Variants in PHTF1 observed in about 807,000 individuals in gnomAD.
PHTF1 encodes the protein protein PHTF1.
PHTF1 carries 88 observed loss-of-function variants against 102.4 expected under a neutral mutation model. That is an observed-to-expected ratio of 0.86 (90% confidence interval 0.72 to 1.03). The LOEUF is 1.03. PHTF1 is among the 50% of genes least tolerant of loss of function. PHTF1 has a pLI of 0.00. For synonymous variants in PHTF1, 289 were observed against 305.2 expected, an observed-to-expected ratio of 0.95 and a Z score of 0.55; for missense variants, 814 against 909.5, an observed-to-expected ratio of 0.89 and a Z score of 1.35.
intron 3 of PHTF1, among the ~76,000 whole-genome samples, chr1:113,756,551 T>C (rs1201467063): frequency 2.0e-5 from 3 of 152,208 alleles, no homozygotes; most frequent in Non-Finnish European, 2.9e-5. Context: ...TAAGTAAGTA[T>C]TAAAGTCGCA....
intron 5 of PHTF1, among the ~76,000 whole-genome samples, chr1:113,729,414 G>A (rs1288989529): frequency 6.6e-6 from 1 of 152,152 alleles, no homozygotes; most frequent in African/African-American, 2.4e-5. Flanking sequence ...TAACTGGATT[G>A]TTTGTAACAC....
chr1:113,701,502 C>A (rs1649435150), intron 15 of PHTF1, among the ~76,000 whole-genome samples: 1 of 151,908 alleles, frequency 6.6e-6, no homozygotes, highest in South Asian at 2.1e-4. Context: ...TACTCAAGCC[C>A]AAAGTAAGAT....
intron 3 of PHTF1, among the ~76,000 whole-genome samples, chr1:113,750,738 C>A (rs1657944352): frequency 6.6e-6 from 1 of 151,900 alleles, no homozygotes; most frequent in Admixed American, 6.6e-5. Context: ...CGCCTGTAAT[C>A]CCAGCCACTC....
chr1:113,738,073 A>C, intron 5 of PHTF1, 37 bp downstream of exon 5: 1 of 1,466,460 alleles, frequency 6.8e-7, no homozygotes, highest in South Asian at 1.2e-5. Flanking sequence ...AGCAGCAAAA[A>C]GAAACTGTCA....
chr1:113,707,871 G>A (rs1650453701), intron 11 of PHTF1, among the ~76,000 whole-genome samples: 1 of 152,140 alleles, frequency 6.6e-6, no homozygotes. Flanking sequence ...CTCAAGCCAA[G>A]ACCTGCCTGG....
At position 113,705,924 on chromosome 1, in the gene PHTF1, A is replaced by C; in HGVS notation, c.1637T>G (p.Phe546Cys). Residue 546 changes from phenylalanine to cysteine, a missense_variant, in exon 13 of 19, where the codon TTC becomes TGC. By Grantham distance (205) the Phe-to-Cys change is radical (BLOSUM62 -2). Transcript: ENST00000369604. ...TGTTCTCTCTGCCACACACATCATG[A>C]AAAAAAACATCCAAGTAAGACACAA... ...ERLCLTWMFF[F>C]MMCVAERTYK... is the part of the protein sequence containing the mutation. 6.2e-7 allele frequency: 1 copy of C among 1,612,818 alleles called. No homozygotes were observed. Among genetic ancestry groups the C allele is most frequent in the Non-Finnish European group, 8.5e-7 (1 of 1,179,004 alleles).
intron 13 of PHTF1, 131 bp from the exon 14 acceptor site, chr1:113,704,928 G>A: frequency 1.5e-6 from 1 of 672,176 alleles, no homozygotes; most frequent in Non-Finnish European, 2.5e-6. Flanking sequence ...TCAGTAAGAT[G>A]GGCAGTGAAA....
intron 7 of PHTF1, chr1:113,713,982 A>G (rs935428522): frequency 6.5e-6 from 1 of 152,812 alleles, no homozygotes; most frequent in Admixed American, 6.5e-5. Flanking sequence ...CCCCCATTCC[A>G]GGACCTAGCT....
intron 13 of PHTF1, among the ~76,000 whole-genome samples, chr1:113,705,238 G>A (rs867785915): frequency 5.9e-5 from 9 of 152,142 alleles, no homozygotes; most frequent in African/African-American, 2.2e-4. Flanking sequence ...CCTGGAGTTC[G>A]AGACAAGACT....
chr1:113,753,724 T>C (rs1027209778), intron 3 of PHTF1, among the ~76,000 whole-genome samples: 2 of 133,798 alleles, frequency 1.5e-5, no homozygotes, highest in African/African-American at 5.5e-5. Flanking sequence ...GTGCCCAGCC[T>C]TTTTTTTTTT....
chr1:113,709,436 A>G (rs532639609), intron 11 of PHTF1, among the ~76,000 whole-genome samples: 67 of 152,370 alleles, frequency 4.4e-4, no homozygotes, highest in South Asian at 2.5e-3. Context: ...TTTAGCCTAA[A>G]GAACAAAAAC....
intron 3 of PHTF1, among the ~76,000 whole-genome samples, chr1:113,739,274 T>G (rs1655979834): frequency 6.6e-6 from 1 of 152,202 alleles, no homozygotes; most frequent in South Asian, 2.1e-4. Flanking sequence ...TAATACATAT[T>G]TTGTTTTAGT....
chr1:113,726,441 T>G lies in PHTF1; in HGVS notation c.465A>C (p.Gly155=), dbSNP rs150320233. The change falls in exon 6 of 19, where the codon GGA becomes GGC. Residue 155 remains glycine (G), a synonymous_variant. Coordinates refer to ENST00000369604, the MANE Select transcript of PHTF1 (RefSeq NM_001323043.2). ...IVSTQITRPS[G]NNGNRRRRKL... is the part of the protein sequence containing the mutation. ...ACCTTCTTCTTCGATTTCCATTGTT[T>G]CCTGATGGTCTTGTTATCTGAGTAG... The G allele has an allele frequency of 4.4e-6, 7 of 1,608,732 alleles. No homozygotes were observed. The African/African-American group carries it at 8.0e-5, about 18-fold the overall frequency.
chr1:113,712,784 ATTTT>A lies in PHTF1; in HGVS notation c.783+491_783+494del, dbSNP rs35092721. On this transcript the variant is annotated intron_variant, in intron 8 of 18. Transcript: ENST00000369604. Reference sequence around the variant, plus strand: ...CTGCTAAGGCTGGATAACTCACAAAATTTTTTTTTTTTTTTTTTTTGAGACGGAG... The same window carrying A: ...CTGCTAAGGCTGGATAACTCACAAAATTTTTTTTTTTTTTTTGAGACGGAG... Among the ~76,000 whole-genome samples the A allele has an allele frequency of 9.7e-4, 128 of 131,460 alleles. 1 individual carries two copies. The South Asian group carries it at 0.015, about 16-fold the overall frequency. The allele number at this position is 131,460 out of a possible 152,430, so 86.2% of individuals were successfully genotyped here.
At position 113,705,818 on chromosome 1, in the gene PHTF1, G is replaced by A. The variant is rs761075917; in HGVS notation, c.1671+72C>T. On this transcript the variant is annotated intron_variant, in intron 13 of 18. Transcript: ENST00000369604. ...TCAACTTGAAGAGAGACCAAATCAA[G>A]AGAACAAAAGCAACTCAATGGAATA... 4.3e-6 allele frequency: 5 copies of A among 1,171,414 alleles called. No individual in the cohort carries two copies. In the South Asian group the frequency reaches 7.5e-5, roughly 17 times the overall value. The allele number at this position is 1,171,414 out of a possible 1,614,324, so 72.6% of individuals were successfully genotyped here.
At chr1:113,710,810 ATTTT>A (rs71590573) in intron 10 of PHTF1, among the ~76,000 whole-genome samples, 7 of 122,688 alleles carry the variant, frequency 5.7e-5, no homozygotes, top group Admixed American at 4.4e-4. Flanking sequence ...ATATATATAT[ATTTT>A]TTTTTTTTTT....
chr1:113,728,245 C>A (rs1210633521), intron 5 of PHTF1, among the ~76,000 whole-genome samples: 1 of 152,176 alleles, frequency 6.6e-6, no homozygotes, highest in Admixed American at 6.5e-5. Context: ...GGAGCTCAAA[C>A]AACTCTATAG....
chr1:113,700,885 G>T lies in PHTF1; in HGVS notation c.1955C>A (p.Thr652Lys), dbSNP rs1327863883. 6.2e-7 allele frequency: 1 copy of T among 1,613,112 alleles called. No individual in the cohort carries two copies. The highest frequency in any genetic ancestry group is 8.5e-7 in the Non-Finnish European group (1 of 1,179,602). Residue 652 changes from threonine (T) to lysine (K), a missense_variant, in exon 16 of 19, where the codon ACA (threonine) becomes AAA (lysine). By Grantham distance (78) the Thr-to-Lys change is moderately conservative. Transcript: ENST00000369604. The stretch of plus-strand genomic sequence containing the variant: ...ACGCAATAAAAAAAGTAGTAAAGCT[G>T]TTTCCCAGATCAAAAACTCCCAGTT... ...AYNWEFLIWE[T>K]ALLLFLLRLA...
intron 5 of PHTF1, among the ~76,000 whole-genome samples, chr1:113,732,205 A>T (rs1351452321): frequency 6.6e-6 from 1 of 152,068 alleles, no homozygotes; most frequent in Non-Finnish European, 1.5e-5. Context: ...CAGAATAATG[A>T]AGAAATACTT....
Sources: gnomAD v4.1 joint callset for allele counts (sites outside exome capture counted in the v4.1 genomes callset) on GRCh38, gnomAD v4.1.1 for gene constraint, MANE v1.5 for transcripts, NCBI Gene and HGNC (gene_info 2026-07-23, HGNC 2026-07-21) for gene names.